ATXN1: variants seen among roughly 807,000 people sequenced by gnomAD.
ATXN1 encodes ataxin-1.
In ATXN1, 8 loss-of-function variants were observed where a neutral mutation model predicts 56.4. The observed-to-expected ratio is 0.14, with a 90% CI of 0.08 to 0.26. ATXN1 has a LOEUF of 0.26. Ranked by LOEUF, ATXN1 falls within the 10% of genes least tolerant of loss-of-function variation. The probability of loss-of-function intolerance (pLI) is 1.00; values close to 1 mark genes in which losing one functional copy is unlikely to be tolerated. For missense variants in ATXN1, 987 were observed against 1,106.5 expected (o/e 0.89, Z 1.53); for synonymous variants, 514 against 494.6 (o/e 1.04, Z -0.52).
rs1760906045 is a variant in ATXN1, at chr6:16,328,616, T to C, written c.-160-146A>G. 3.5e-6 allele frequency: 1 copy of C among 281,846 alleles called. No homozygotes were observed. Among genetic ancestry groups the C allele is most frequent in the African/African-American group, 2.2e-5 (1 of 45,660 alleles). The allele number at this position is 281,846 out of a possible 1,614,324, so 17.5% of individuals were successfully genotyped here. ...GCCCTGGACTCGGTGTGAACTCCCATAACCCAATCATACCCCAAGCACTGA... is the reference window on the plus strand; with the variant it reads ...GCCCTGGACTCGGTGTGAACTCCCACAACCCAATCATACCCCAAGCACTGA... On this transcript the variant is annotated intron_variant, in intron 6 of 7. Transcript: ENST00000436367. This position sits in a 1 kb window ranked among gnomAD's most constrained non-coding sequence, Gnocchi z 6.2.
chr6:16,632,591 G>C (rs1481138807), intron 3 of ATXN1, among the ~76,000 whole-genome samples: 1 of 152,108 alleles, frequency 6.6e-6, no homozygotes, highest in Non-Finnish European at 1.5e-5. Flanking sequence ...GTTGGGGGCT[G>C]TAAGGGTCTC....
At chr6:16,637,106 T>A (rs991324620) in intron 3 of ATXN1, among the ~76,000 whole-genome samples, 1 of 152,126 alleles carries the variant, frequency 6.6e-6, no homozygotes, top group Admixed American at 6.5e-5. Flanking sequence ...CAAATGTCCA[T>A]CAATGATAGA....
At chr6:16,741,035 T>C (rs1760323254) in intron 2 of ATXN1, among the ~76,000 whole-genome samples, 1 of 152,180 alleles carries the variant, frequency 6.6e-6, no homozygotes, top group South Asian at 2.1e-4. Context: ...ATCTTGGCTG[T>C]ACAAGGAGAT....
chr6:16,343,754 G>A (rs772941287), intron 6 of ATXN1, among the ~76,000 whole-genome samples: 1 of 152,128 alleles, frequency 6.6e-6, no homozygotes, highest in Non-Finnish European at 1.5e-5. Flanking sequence ...CTAGTAAATC[G>A]TGTGGCTTTG....
intron 2 of ATXN1, among the ~76,000 whole-genome samples, chr6:16,696,049 G>A (rs779659528): frequency 1.3e-5 from 2 of 152,134 alleles, no homozygotes; most frequent in African/African-American, 4.8e-5. Context: ...TATACCGACA[G>A]TCCTTACTTT....
intron 2 of ATXN1, among the ~76,000 whole-genome samples, chr6:16,668,698 A>G (rs969030933): frequency 1.6e-4 from 24 of 152,198 alleles, no homozygotes; most frequent in African/African-American, 5.8e-4. Context: ...CCATACCTCC[A>G]GTTCCATGCC....
At chr6:16,527,037 A>C (rs75575322) in intron 4 of ATXN1, among the ~76,000 whole-genome samples, 2 of 152,018 alleles carry the variant, frequency 1.3e-5, no homozygotes, top group African/African-American at 2.4e-5. Context: ...AAAAAAAAAA[A>C]ATCAGGACTT....
In ATXN1 at chr6:16,732,899, G is replaced by A. The variant is rs188882969; in HGVS notation, c.-615+20334C>T. Among the ~76,000 whole-genome samples, 19 of 152,224 alleles carry A rather than the reference G, an allele frequency of 1.2e-4. No homozygotes were observed. In the East Asian group the frequency reaches 2.9e-3, roughly 23 times the overall value. On this transcript the variant is annotated intron_variant, in intron 2 of 7. Transcript: ENST00000436367. ...ATAGTTCTAAATCCTAAACAGCTAA[G>A]ACTGCATTAAATTGCCACCTCCATC... is the stretch of plus-strand genomic sequence containing the variant.
rs751377396 is a variant in ATXN1 at position 16,327,681 on chromosome 6, CTGA to C, written c.627_629del (p.His209del). On this transcript the variant is annotated inframe_deletion, in exon 7 of 8. Transcript: ENST00000436367. The stretch of plus-strand genomic sequence containing the variant: ...GCTGCTGCTGCTGCTGCTGCTGATG[CTGA>C]TGCTGCTGCTGCTGCTGCTGCTGCT... The C allele has an allele frequency of 8.6e-3, 12,276 of 1,430,548 alleles. 211 individuals are homozygous for C. In the East Asian group the frequency reaches 0.2, roughly 23 times the overall value. 88.6% of individuals were successfully genotyped at this position (1,430,548 alleles called of 1,614,324 possible).
At chr6:16,313,839 G>T (rs1324919388) in intron 7 of ATXN1, among the ~76,000 whole-genome samples, 1 of 152,198 alleles carries the variant, frequency 6.6e-6, no homozygotes, top group African/African-American at 2.4e-5. Flanking sequence ...TAGGATTACA[G>T]AAGTGAGTCA....
chr6:16,375,440 C>A (rs958143594), intron 6 of ATXN1, among the ~76,000 whole-genome samples: 17 of 152,190 alleles, frequency 1.1e-4, no homozygotes, highest in African/African-American at 3.1e-4. Context: ...ATGCTAACAC[C>A]CATCCTGAGC....
intron 6 of ATXN1, among the ~76,000 whole-genome samples, chr6:16,386,268 G>C (rs141882280): frequency 6.6e-6 from 1 of 152,316 alleles, no homozygotes; most frequent in Non-Finnish European, 1.5e-5. Flanking sequence ...CATGTCAGCT[G>C]CTTTGAACAA....
intron 2 of ATXN1, among the ~76,000 whole-genome samples, chr6:16,727,113 A>T (rs577640689): frequency 6.6e-6 from 1 of 152,198 alleles, no homozygotes; most frequent in Admixed American, 6.5e-5. Context: ...GTGGTTACAA[A>T]CATAAATAAG....
chr6:16,592,979 C>T (rs1450036209), intron 3 of ATXN1, among the ~76,000 whole-genome samples: 1 of 152,086 alleles, frequency 6.6e-6, no homozygotes, highest in South Asian at 2.1e-4. Context: ...TGATTGGTTA[C>T]TTTTAGAACC....
intron 6 of ATXN1, among the ~76,000 whole-genome samples, chr6:16,474,055 A>G (rs531205054): frequency 1.6e-3 from 242 of 152,326 alleles, no homozygotes; most frequent in African/African-American, 5.1e-3. Context: ...AACTTACTGA[A>G]AAGACACTTT....
rs114901606 is a variant in ATXN1, at chr6:16,605,840, G to A, written c.-488-19933C>T. The stretch of plus-strand genomic sequence containing the variant: ...TTAACCGTAAAATGGCCAAGATAAC[G>A]ATACTGACCAGGTGTAGTGTCTCAT... On this transcript the variant is annotated intron_variant, in intron 3 of 7. Coordinates refer to ENST00000436367, the MANE Select transcript of ATXN1 (RefSeq NM_001128164.2). 9.3e-3 allele frequency among the ~76,000 whole-genome samples: 1,416 copies of A among 152,136 alleles called. 17 individuals carry two copies. The highest frequency in any genetic ancestry group is 0.031 in the African/African-American group (1,295 of 41,500).
At position 16,698,798 on chromosome 6, in the gene ATXN1, G is replaced by T. The variant is rs542329967; in HGVS notation, c.-614-40897C>A. 1.8e-4 allele frequency among the ~76,000 whole-genome samples: 27 copies of T among 152,202 alleles called. No individual in the cohort carries two copies. The East Asian group carries it at 5.0e-3, about 28-fold the overall frequency. On this transcript the variant is annotated intron_variant, in intron 2 of 7. Transcript: ENST00000436367. ...GTGTTGTAGGAGTGGTCATTTAACC[G>T]CACTAAGCCTCAAATGTTTCCTCTG... is the stretch of plus-strand genomic sequence containing the variant.
intron 6 of ATXN1, among the ~76,000 whole-genome samples, chr6:16,458,122 T>C (rs2113622328): frequency 6.6e-6 from 1 of 152,292 alleles, no homozygotes; most frequent in Non-Finnish European, 1.5e-5. Context: ...AATTTGGAGA[T>C]ACCTGGTATC....
chr6:16,561,189 T>A (rs1328148292), intron 4 of ATXN1, among the ~76,000 whole-genome samples: 1 of 152,148 alleles, frequency 6.6e-6, no homozygotes, highest in African/African-American at 2.4e-5. Context: ...TACAAGAGAT[T>A]GGAGGATCCA....
Sources: gnomAD v4.1 joint callset for allele counts (sites outside exome capture counted in the v4.1 genomes callset) on GRCh38, gnomAD v4.1.1 for gene constraint, Gnocchi (gnomAD v3.1) non-coding constraint, MANE v1.5 for transcripts, NCBI Gene and HGNC (gene_info 2026-07-23, HGNC 2026-07-21) for gene names.